Variants in PCDHA13 observed in about 807,000 individuals in gnomAD.
The protein encoded by PCDHA13 is protocadherin alpha-13.
In PCDHA13, 54 loss-of-function variants were observed where a neutral mutation model predicts 64.8. The ratio of observed to expected loss-of-function variants is 0.83; its 90% CI spans 0.67 to 1.04. The LOEUF (loss-of-function observed/expected upper bound fraction) is 1.04. Ranked by LOEUF, PCDHA13 falls within the 50% of genes least tolerant of loss-of-function variation. The pLI, the probability that PCDHA13 is intolerant of heterozygous loss-of-function variation, is 0.00. For missense variants in PCDHA13, 1,248 were observed against 1,254.3 expected (o/e 0.99, Z 0.08); for synonymous variants, 587 against 564.4 (o/e 1.04, Z -0.57).
chr5:140,983,359 A>G (rs1310994731), intron 3 of PCDHA13, among the ~76,000 whole-genome samples: 1 of 152,254 alleles, frequency 6.6e-6, no homozygotes, highest in African/African-American at 2.4e-5. Flanking sequence ...TAATAGAAAT[A>G]TGGCTTTGGA....
At position 141,012,270 on chromosome 5, in the gene PCDHA13, G is replaced by A. The variant is rs782033901; in HGVS notation, c.*2333G>A. On this transcript the variant is annotated 3_prime_UTR_variant, in exon 4 of 4. Coordinates refer to ENST00000289272, the MANE Select transcript of PCDHA13 (RefSeq NM_018904.3). ...TATTACAGCTGTAAGGATAAAACAC[G>A]TCATGTGGATTCATTTTGAATTGGT... is the stretch of plus-strand genomic sequence containing the variant. 4 of 153,734 alleles carry A rather than the reference G, an allele frequency of 2.6e-5. No individual in the cohort carries two copies. The highest frequency in any genetic ancestry group is 5.9e-5 in the Non-Finnish European group (4 of 68,028). 9.5% of individuals were successfully genotyped at this position (153,734 alleles called of 1,614,324 possible).
intron 1 of PCDHA13, among the ~76,000 whole-genome samples, chr5:140,921,179 GT>G (rs1563044506): frequency 6.6e-6 from 1 of 151,662 alleles, no homozygotes; most frequent in South Asian, 2.1e-4. Context: ...ATAAAGCACA[GT>G]TTTTTCACAA....
intron 1 of PCDHA13, chr5:140,929,480 G>T: frequency 8.4e-7 from 1 of 1,195,420 alleles, no homozygotes; most frequent in Non-Finnish European, 1.1e-6. Flanking sequence ...TGGAAGTATA[G>T]AAGTATTAGA....
At chr5:140,901,033 T>C (rs2153472378) in intron 1 of PCDHA13, among the ~76,000 whole-genome samples, 1 of 152,364 alleles carries the variant, frequency 6.6e-6, no homozygotes, top group South Asian at 2.1e-4. Flanking sequence ...TTCAACTCTT[T>C]TGCCCATTTT....
Position 140,982,836 on chromosome 5 carries a change from T to C in PCDHA13, c.2542+273T>C, listed in dbSNP as rs2097010696. 2.6e-5 allele frequency among the ~76,000 whole-genome samples: 4 copies of C among 152,244 alleles called. No individual in the cohort carries two copies. The South Asian group carries it at 8.3e-4, about 32-fold the overall frequency. ...ATGAAGTTTTTGGGGTTTGTTTGTT[T>C]GTTTAAATCAGGTACCTTTCAAATG... On this transcript the variant is annotated intron_variant, in intron 3 of 3. Coordinates refer to ENST00000289272, the MANE Select transcript of PCDHA13 (RefSeq NM_018904.3).
At chr5:140,976,424 G>A (rs2096715736) in intron 1 of PCDHA13, among the ~76,000 whole-genome samples, 1 of 152,114 alleles carries the variant, frequency 6.6e-6, no homozygotes, top group Non-Finnish European at 1.5e-5. Flanking sequence ...GGTGGCAGAT[G>A]CCTGTAATCC....
At chr5:140,959,373 CA>C (rs1243465116) in intron 1 of PCDHA13, among the ~76,000 whole-genome samples, 26 of 145,126 alleles carry the variant, frequency 1.8e-4, no homozygotes, top group South Asian at 2.2e-4. Flanking sequence ...GACCCTGTCT[CA>C]AAAAAAAAAG....
chr5:140,962,554 C>T lies in PCDHA13; in HGVS notation c.2395-16395C>T, dbSNP rs567554880. ...TTAGAACTAAAAATGTAGAGGATCTCCCCCTAAAAGCCAATTGTTAATGCC... is the reference window on the plus strand; with the variant it reads ...TTAGAACTAAAAATGTAGAGGATCTTCCCCTAAAAGCCAATTGTTAATGCC... On this transcript the variant is annotated intron_variant, in intron 1 of 3. Transcript: ENST00000289272. 3.9e-5 allele frequency among the ~76,000 whole-genome samples: 6 copies of T among 152,284 alleles called. No individual in the cohort carries two copies. The South Asian group carries it at 1.2e-3, about 32-fold the overall frequency.
In PCDHA13 at chr5:140,883,245, G is replaced by A. The variant is rs267600403; in HGVS notation, c.977G>A (p.Gly326Glu). Residue 326 changes from glycine to glutamate, a missense_variant, in exon 1 of 4, where the codon GGA becomes GAA. By Grantham distance (98) the Gly-to-Glu change is moderately conservative (BLOSUM62 -2). Transcript: ENST00000289272. ...ATATCCGTGGAGGCAGTTGACAAAG[G>A]AAATATTCCAATGGCGGGTCATTGT... ...YEISVEAVDK[G>E]NIPMAGHCTL... 6.2e-7 allele frequency: 1 copy of A among 1,613,898 alleles called. No homozygotes were observed. Among genetic ancestry groups the A allele is most frequent in the Non-Finnish European group, 8.5e-7 (1 of 1,180,024 alleles).
At chr5:140,969,228 G>A in intron 1 of PCDHA13, 1 of 1,614,176 alleles carries the variant, frequency 6.2e-7, no homozygotes, top group Non-Finnish European at 8.5e-7. Flanking sequence ...GGGCCTTCGG[G>A]AGCCCAAGCA....
At chr5:140,936,863 A>G (rs1177234152) in intron 1 of PCDHA13, among the ~76,000 whole-genome samples, 1 of 152,120 alleles carries the variant, frequency 6.6e-6, no homozygotes, top group East Asian at 1.9e-4. Context: ...CTCAGTTTCT[A>G]TTTTAAAAAA....
At chr5:140,895,851 C>T (rs2065201261) in intron 1 of PCDHA13, among the ~76,000 whole-genome samples, 1 of 152,078 alleles carries the variant, frequency 6.6e-6, no homozygotes, top group Admixed American at 6.6e-5. Flanking sequence ...CACTCTTGTA[C>T]CCCAGGCTGG....
chr5:140,969,049 C>A, intron 1 of PCDHA13: 1 of 1,614,142 alleles, frequency 6.2e-7, no homozygotes, highest in Non-Finnish European at 8.5e-7. Context: ...AACAAGCCAA[C>A]AACAATATTG....
At chr5:140,982,617 G>T in intron 3 of PCDHA13, 54 bp downstream of exon 3, 1 of 1,591,926 alleles carries the variant, frequency 6.3e-7, no homozygotes, top group South Asian at 1.1e-5. Context: ...GTGATCAGAT[G>T]ACCTACTTTT....
intron 1 of PCDHA13, among the ~76,000 whole-genome samples, chr5:140,889,202 T>G (rs1329949873): frequency 6.6e-6 from 1 of 151,910 alleles, no homozygotes; most frequent in Non-Finnish European, 1.5e-5. Context: ...ACTTGAATAC[T>G]TAACAAAGAA....
At chr5:140,913,440 T>A (rs2076337142) in intron 1 of PCDHA13, among the ~76,000 whole-genome samples, 1 of 152,224 alleles carries the variant, frequency 6.6e-6, no homozygotes, top group Non-Finnish European at 1.5e-5. Context: ...GCCTCCTTTT[T>A]CAGCTCCGAT....
chr5:140,888,597 C>A (rs1474772423), intron 1 of PCDHA13, among the ~76,000 whole-genome samples: 3 of 152,216 alleles, frequency 2.0e-5, no homozygotes, highest in African/African-American at 7.2e-5. Flanking sequence ...ACATTCAGAG[C>A]AGCTTTTAGT....
At chr5:141,006,181 G>A (rs960173277) in intron 3 of PCDHA13, among the ~76,000 whole-genome samples, 1 of 150,918 alleles carries the variant, frequency 6.6e-6, no homozygotes, top group Non-Finnish European at 1.5e-5. Flanking sequence ...TTTTAAAAGA[G>A]TTTGCTATAT....
intron 3 of PCDHA13, among the ~76,000 whole-genome samples, chr5:140,995,850 C>T (rs924455609): frequency 3.9e-5 from 6 of 152,080 alleles, no homozygotes; most frequent in African/African-American, 1.4e-4. Context: ...ACATTTCTAT[C>T]GTATCACTTA....
Sources: gnomAD v4.1 joint callset for allele counts (sites outside exome capture counted in the v4.1 genomes callset) on GRCh38, gnomAD v4.1.1 for gene constraint, MANE v1.5 for transcripts, NCBI Gene and HGNC (gene_info 2026-07-23, HGNC 2026-07-21) for gene names.